The following DLGAP2 variants were observed in gnomAD, a reference collection of about 807,000 sequenced individuals.
DLGAP2 encodes the protein disks large-associated protein 2.
In DLGAP2, 26 loss-of-function variants were observed where a neutral mutation model predicts 100.3. The ratio of observed to expected loss-of-function variants is 0.26; its 90% CI spans 0.19 to 0.36. DLGAP2 has a LOEUF of 0.36. DLGAP2 is among the 10% of genes least tolerant of loss of function. The probability of loss-of-function intolerance (pLI) is 1.00; values close to 1 mark genes in which losing one functional copy is unlikely to be tolerated. For missense variants in DLGAP2, 1,858 were observed against 1,453.2 expected, an observed-to-expected ratio of 1.28 and a Z score of -4.53; for synonymous variants, 886 against 630.1, an observed-to-expected ratio of 1.41 and a Z score of -6.08.
intron 2 of DLGAP2, among the ~76,000 whole-genome samples, chr8:1,124,999 G>A (rs933016240): frequency 6.6e-6 from 1 of 152,158 alleles, no homozygotes; most frequent in Non-Finnish European, 1.5e-5. Context: ...AGGAAGCATC[G>A]TCTCCCTCGT....
intron 2 of DLGAP2, among the ~76,000 whole-genome samples, chr8:1,132,632 G>C (rs1796317640): frequency 6.6e-6 from 1 of 152,218 alleles, no homozygotes; most frequent in Non-Finnish European, 1.5e-5. Flanking sequence ...TTTTGGCAGT[G>C]ATGTAAAGAA....
intron 2 of DLGAP2, among the ~76,000 whole-genome samples, chr8:1,017,881 T>G (rs1350882550): frequency 1.3e-5 from 2 of 152,246 alleles, no homozygotes; most frequent in African/African-American, 2.4e-5. Flanking sequence ...GCCTGCATCC[T>G]GCCACTGAGT....
chr8:1,383,271 G>C (rs1010537024), intron 3 of DLGAP2, among the ~76,000 whole-genome samples: 1 of 152,202 alleles, frequency 6.6e-6, no homozygotes, highest in African/African-American at 2.4e-5. Context: ...CTAAGGTTTG[G>C]AGAATATGTT....
intron 6 of DLGAP2, 40 bp from the exon 7 acceptor site, chr8:1,626,700 T>C (rs1219944030): frequency 1.3e-6 from 2 of 1,563,954 alleles, no homozygotes; most frequent in East Asian, 2.4e-5. Context: ...CTGCAGCGGG[T>C]GCTCACAGAA....
intron 2 of DLGAP2, among the ~76,000 whole-genome samples, chr8:1,231,259 A>G (rs1180366828): frequency 2.0e-5 from 3 of 152,256 alleles, no homozygotes; most frequent in African/African-American, 7.2e-5. Flanking sequence ...TCTAATTGTT[A>G]TAGAAATGTA....
At chr8:1,092,753 G>A (rs1020219366) in intron 2 of DLGAP2, among the ~76,000 whole-genome samples, 14 of 152,188 alleles carry the variant, frequency 9.2e-5, no homozygotes, top group African/African-American at 3.1e-4. Context: ...GAGCCCAGAT[G>A]TGGCTCTCCC....
chr8:1,668,093 C>G (rs1798591151), intron 8 of DLGAP2, among the ~76,000 whole-genome samples: 1 of 152,176 alleles, frequency 6.6e-6, no homozygotes. Context: ...AGGGACGCAC[C>G]TTGCTTAGCT....
chr8:1,412,915 C>T (rs1796774115), intron 3 of DLGAP2, among the ~76,000 whole-genome samples: 1 of 152,212 alleles, frequency 6.6e-6, no homozygotes, highest in Admixed American at 6.5e-5. Context: ...TGACTTCCCT[C>T]CCTCCTGCTG....
Position 1,701,813 on chromosome 8 carries a change from T to G in DLGAP2, c.*407T>G. ...TAACAAGTAACTATAAACGGGTGCATCCCACCACTCCCTGGAGGCATTAGA... is the reference window on the plus strand; with the variant it reads ...TAACAAGTAACTATAAACGGGTGCAGCCCACCACTCCCTGGAGGCATTAGA... On this transcript the variant is annotated 3_prime_UTR_variant, in exon 15 of 15. Coordinates refer to ENST00000637795, the MANE Select transcript of DLGAP2 (RefSeq NM_001346810.2). The G allele has an allele frequency of 5.6e-6, 1 of 178,782 alleles. No individual in the cohort carries two copies. 11.1% of individuals were successfully genotyped at this position (178,782 alleles called of 1,614,324 possible).
At position 875,681 on chromosome 8, in the gene DLGAP2, A is replaced by G. The variant is rs566411758; in HGVS notation, c.19-32231A>G. ...TAGCAGTGTGAGAATGAACTAATAT[A>G]GTCTCATACCTTTTTTATTTCTTCA... On this transcript the variant is annotated intron_variant, in intron 1 of 14. Coordinates refer to ENST00000637795, the MANE Select transcript of DLGAP2 (RefSeq NM_001346810.2). 7.2e-5 allele frequency among the ~76,000 whole-genome samples: 11 copies of G among 152,306 alleles called. No homozygotes were observed. The South Asian group carries it at 2.3e-3, about 32-fold the overall frequency.
At chr8:1,608,200 G>A (rs1187784164) in intron 6 of DLGAP2, among the ~76,000 whole-genome samples, 1 of 127,388 alleles carries the variant, frequency 7.9e-6, no homozygotes, top group East Asian at 2.4e-4. Flanking sequence ...TCTGAGAACG[G>A]GCGGACTGCC....
At chr8:1,378,144 C>T (rs1446017036) in intron 3 of DLGAP2, 1 of 161,702 alleles carries the variant, frequency 6.2e-6, no homozygotes, top group African/African-American at 2.4e-5. Flanking sequence ...TGCCGTATGT[C>T]TGACTTTGTC....
chr8:1,050,109 C>T (rs944169939), intron 2 of DLGAP2, among the ~76,000 whole-genome samples: 7 of 152,240 alleles, frequency 4.6e-5, no homozygotes, highest in East Asian at 3.8e-4. Context: ...TATGTGTTCA[C>T]GGATATGCAG....
chr8:812,721 C>T (rs924919992), intron 1 of DLGAP2, among the ~76,000 whole-genome samples: 6 of 151,962 alleles, frequency 3.9e-5, no homozygotes, highest in Non-Finnish European at 7.4e-5. Context: ...TTGATAAGGA[C>T]GGGGATAACA....
At chr8:1,365,442 C>T (rs1349775807) in intron 3 of DLGAP2, among the ~76,000 whole-genome samples, 3 of 152,144 alleles carry the variant, frequency 2.0e-5, no homozygotes, top group Non-Finnish European at 2.9e-5. Context: ...AGATGGAGCT[C>T]ACTGGAATCC....
chr8:873,275 G>T (rs941229403), intron 1 of DLGAP2, among the ~76,000 whole-genome samples: 2 of 152,102 alleles, frequency 1.3e-5, no homozygotes, highest in African/African-American at 4.8e-5. Flanking sequence ...ATGCCATCAG[G>T]AAATAGAGGT....
At chr8:1,305,650 A>C (rs1047883588) in intron 3 of DLGAP2, among the ~76,000 whole-genome samples, 1 of 152,196 alleles carries the variant, frequency 6.6e-6, no homozygotes, top group African/African-American at 2.4e-5. Context: ...TACACTGAAA[A>C]CCTACCATAA....
intron 1 of DLGAP2, among the ~76,000 whole-genome samples, chr8:784,666 A>G (rs1033325277): frequency 4.6e-5 from 7 of 152,192 alleles, no homozygotes; most frequent in Non-Finnish European, 1.0e-4. Flanking sequence ...ATGGGGAGGA[A>G]TTTAAGATGT....
At chr8:767,483 G>A (rs1273870005) in intron 1 of DLGAP2, among the ~76,000 whole-genome samples, 2 of 151,632 alleles carry the variant, frequency 1.3e-5, no homozygotes, top group Non-Finnish European at 2.9e-5. Flanking sequence ...TGCCTCAGTG[G>A]GTAGCTGGGA....
Sources: allele counts gnomAD v4.1 joint callset (sites outside exome capture counted in the v4.1 genomes callset), GRCh38; gene constraint gnomAD v4.1.1; transcripts MANE v1.5; gene names NCBI Gene and HGNC (gene_info 2026-07-23, HGNC 2026-07-21).